The following OXGR1 variants were observed in gnomAD, a reference collection of about 807,000 sequenced individuals.
The protein encoded by OXGR1 is oxoglutarate receptor 1, also known as 2-oxoglutarate receptor 1.
OXGR1 carries 10 observed loss-of-function variants against 10.0 expected under a neutral mutation model. That is an observed-to-expected ratio of 1.00 (90% confidence interval 0.62 to 1.70). The LOEUF is 1.70. Ranked by LOEUF, OXGR1 falls within the 40% of genes most tolerant of loss-of-function variation. The pLI is 0.00. For synonymous variants in OXGR1, 191 were observed against 155.9 expected (o/e 1.22, Z -1.68); for missense variants, 398 against 407.6 (o/e 0.98, Z 0.20).
chr13:96,987,614 G>C lies in OXGR1; in HGVS notation c.146C>G (p.Pro49Arg). ...AGTGGATATCACTACTGCATTGCCT[G>C]GAAATCCCACGAGGAAGATAATGCC... Reference protein sequence around the residue: ...IYGIIFLVGFPGNAVVISTYI... With the variant: ...IYGIIFLVGFRGNAVVISTYI... Residue 49 changes from proline to arginine, a missense_variant, in exon 4 of 4, where the codon CCA becomes CGA. Physicochemically the swap from Pro to Arg is moderately radical, Grantham distance 103. Transcript: ENST00000541038. 2.5e-6 allele frequency: 4 copies of C among 1,614,090 alleles called. No individual in the cohort carries two copies. The highest frequency in any genetic ancestry group is 3.4e-6 in the Non-Finnish European group (4 of 1,180,020).
chr13:96,993,076 A>G (rs1882136552), intron 1 of OXGR1, among the ~76,000 whole-genome samples: 1 of 152,162 alleles, frequency 6.6e-6, no homozygotes, highest in South Asian at 2.1e-4. Flanking sequence ...AAAAGAGACC[A>G]ATTCTTAAAA....
chr13:96,990,034 A>G (rs1244543741), intron 2 of OXGR1, among the ~76,000 whole-genome samples: 2 of 152,194 alleles, frequency 1.3e-5, no homozygotes, highest in Non-Finnish European at 2.9e-5. Context: ...AATCATCTCT[A>G]GATTACTTAT....
rs1394210857 is a variant in OXGR1, at chr13:96,986,857, T to C, written c.903A>G (p.Leu301=). 2.8e-5 allele frequency: 45 copies of C among 1,614,178 alleles called. No individual in the cohort carries two copies. The highest frequency in any genetic ancestry group is 3.6e-5 in the Non-Finnish European group (42 of 1,180,030). Residue 301 remains leucine, a synonymous_variant, in exon 4 of 4, where the codon CTA becomes CTG. Coordinates refer to ENST00000541038, the MANE Select transcript of OXGR1 (RefSeq NM_001346194.2). ...GAAAGTTGTCGCTGACCACCACATA[T>C]AGTAACAGGTTACCAAAGGTGTTCA... ...AALNTFGNLL[L]YVVVSDNFQQ...
At chr13:96,990,789 C>CAA (rs552143415) in intron 2 of OXGR1, among the ~76,000 whole-genome samples, 1 of 149,122 alleles carries the variant, frequency 6.7e-6, no homozygotes, top group Admixed American at 6.7e-5. Flanking sequence ...ATTAAAAATA[C>CAA]AAAAAAAAAC....
intron 3 of OXGR1, among the ~76,000 whole-genome samples, chr13:96,988,613 C>T (rs374069089): frequency 6.6e-6 from 1 of 151,916 alleles, no homozygotes. Context: ...GTGGATGGGG[C>T]GGGATCAATG....
intron 1 of OXGR1, among the ~76,000 whole-genome samples, chr13:96,992,800 C>T (rs939515442): frequency 2.0e-5 from 3 of 152,206 alleles, no homozygotes; most frequent in African/African-American, 7.2e-5. Context: ...TCCCTCTCCC[C>T]CAGACTCCCT....
chr13:96,988,496 G>C (rs943098117), intron 3 of OXGR1, among the ~76,000 whole-genome samples: 1 of 152,220 alleles, frequency 6.6e-6, no homozygotes, highest in African/African-American at 2.4e-5. Context: ...TAGATTGCAC[G>C]TATTGCAACA....
Position 96,987,246 on chromosome 13 carries a change from T to G in OXGR1, c.514A>C (p.Ile172Leu), listed in dbSNP as rs1466662817. Residue 172 changes from isoleucine to leucine, a missense_variant, in exon 4 of 4, where the codon ATC becomes CTC. Coordinates refer to ENST00000541038, the MANE Select transcript of OXGR1 (RefSeq NM_001346194.2). ...CTGTTGGTCCTGTTGGTTGATGTGA[T>G]CAAGAAGGTCATCGGAATGACAGCT... ...LVAVIPMTFLITSTNRTNRSA... is the reference protein window; with the variant it reads ...LVAVIPMTFLLTSTNRTNRSA... 6.2e-7 allele frequency: 1 copy of G among 1,613,672 alleles called. No homozygotes were observed. The highest frequency in any genetic ancestry group is 1.1e-5 in the South Asian group (1 of 91,086).
At chr13:96,991,163 C>CAATTGT (rs1322543195) in intron 2 of OXGR1, among the ~76,000 whole-genome samples, 1 of 152,030 alleles carries the variant, frequency 6.6e-6, no homozygotes, top group African/African-American at 2.4e-5. Context: ...ACTGACTAGC[C>CAATTGT]AATTGTAAGG....
intron 1 of OXGR1, among the ~76,000 whole-genome samples, chr13:96,994,074 T>TA (rs1555292008): frequency 2.0e-5 from 3 of 152,162 alleles, no homozygotes; most frequent in Non-Finnish European, 4.4e-5. Flanking sequence ...TTTTGTTCCC[T>TA]AAAATGAAAC....
Position 96,987,253 on chromosome 13 carries a change from G to A in OXGR1, c.507C>T (p.Thr169=). Residue 169 remains threonine, a synonymous_variant, in exon 4 of 4, where the codon ACC becomes ACT. Coordinates refer to ENST00000541038, the MANE Select transcript of OXGR1 (RefSeq NM_001346194.2). ...IISLVAVIPM[T]FLITSTNRTN... is the part of the protein sequence containing the mutation. ...TCCTGTTGGTTGATGTGATCAAGAA[G>A]GTCATCGGAATGACAGCTACCAGTG... is the stretch of plus-strand genomic sequence containing the variant. 1 of 1,614,186 alleles carries A rather than the reference G, an allele frequency of 6.2e-7. No individual in the cohort carries two copies. Among genetic ancestry groups the A allele is most frequent in the South Asian group, 1.1e-5 (1 of 91,088 alleles).
chr13:96,987,169 C>T lies in OXGR1; in HGVS notation c.591G>A (p.Trp197Ter). 6.2e-7 allele frequency: 1 copy of T among 1,614,098 alleles called. No individual in the cohort carries two copies. Residue 197 changes from tryptophan to a stop codon, truncating the protein, a stop_gained, in exon 4 of 4, where the codon TGG becomes TGA. Coordinates refer to ENST00000541038, the MANE Select transcript of OXGR1 (RefSeq NM_001346194.2). LOFTEE classifies it high-confidence loss of function. ...TSSDELNTIK[W>*]YNLILTATTF... ...TAGTTGCAGTCAAAATCAGGTTGTA[C>T]CACTTAATAGTATTGAGTTCATCCG...
chr13:96,993,791 A>G (rs1355403722), intron 1 of OXGR1, among the ~76,000 whole-genome samples: 2 of 150,764 alleles, frequency 1.3e-5, no homozygotes. Context: ...ATTTCAGGGG[A>G]AACATTTTCC....
chr13:96,994,100 A>T (rs1348308854), intron 1 of OXGR1, among the ~76,000 whole-genome samples, 198 bp downstream of exon 1: 1 of 152,166 alleles, frequency 6.6e-6, no homozygotes, highest in Non-Finnish European at 1.5e-5. Flanking sequence ...CTCCCGCCAC[A>T]GGATCTGGGG....
In OXGR1 at chr13:96,986,590, T is replaced by A. The variant is rs1566288180; in HGVS notation, c.*156A>T. The A allele has an allele frequency of 1.4e-6, 1 of 712,006 alleles. No homozygotes were observed. Among genetic ancestry groups the A allele is most frequent in the Non-Finnish European group, 2.3e-6 (1 of 438,386 alleles). 44.1% of individuals were successfully genotyped at this position (712,006 alleles called of 1,614,324 possible). A position where few individuals can be genotyped will look rare whatever the true frequency, so the allele number is the denominator to read the frequency against. ...CAGTGGAGGAGCTCAATAAAGGGAT[T>A]GCAAAGAACTAGAAGCTCTGCCCTG... is the stretch of plus-strand genomic sequence containing the variant. On this transcript the variant is annotated 3_prime_UTR_variant, in exon 4 of 4. Transcript: ENST00000541038.
At chr13:96,992,811 G>C (rs1169273540) in intron 1 of OXGR1, among the ~76,000 whole-genome samples, 1 of 152,086 alleles carries the variant, frequency 6.6e-6, no homozygotes, top group Non-Finnish European at 1.5e-5. Context: ...CAGACTCCCT[G>C]GGTTTTTCTG....
intron 3 of OXGR1, among the ~76,000 whole-genome samples, 157 bp from the exon 4 acceptor site, chr13:96,987,990 C>T (rs191255058): frequency 1.7e-3 from 257 of 152,216 alleles, no homozygotes; most frequent in African/African-American, 5.8e-3. Flanking sequence ...AAGAAAATGA[C>T]TATGAGGCAA....
intron 2 of OXGR1, 75 bp from the exon 3 acceptor site, chr13:96,989,884 A>G (rs1326668371): frequency 6.6e-6 from 1 of 152,164 alleles, no homozygotes; most frequent in Non-Finnish European, 1.5e-5. Context: ...TAAATCAAAC[A>G]CTGTAGAGTT....
chr13:96,987,598 C>T lies in OXGR1; in HGVS notation c.162G>A (p.Val54=), dbSNP rs1445840789. 4 of 1,614,098 alleles carry T rather than the reference C, an allele frequency of 2.5e-6. No homozygotes were observed. The African/African-American group carries it at 5.3e-5, about 22-fold the overall frequency. The change falls in exon 4 of 4, where the codon GTG becomes GTA. Residue 54 remains valine (V), a synonymous_variant. Coordinates refer to ENST00000541038, the MANE Select transcript of OXGR1 (RefSeq NM_001346194.2). ...FLVGFPGNAV[V]ISTYIFKMRP... is the part of the protein sequence containing the mutation. ...TCATTTTGAAAATGTAAGTGGATAT[C>T]ACTACTGCATTGCCTGGAAATCCCA...
Sources: allele counts gnomAD v4.1 joint callset (sites outside exome capture counted in the v4.1 genomes callset), GRCh38; gene constraint gnomAD v4.1.1; transcripts MANE v1.5; gene names NCBI Gene and HGNC (gene_info 2026-07-23, HGNC 2026-07-21).